The following SLIT3 variants were observed in gnomAD, a reference collection of about 807,000 sequenced individuals.
SLIT3 encodes slit homolog 3 protein.
SLIT3 carries 68 observed loss-of-function variants against 184.0 expected under a neutral mutation model. That is an observed-to-expected ratio of 0.37 (90% CI 0.30 to 0.45). The LOEUF is 0.45. Among genes scored for constraint, SLIT3 ranks in the 20% least tolerant of loss-of-function variants. SLIT3 has a pLI of 1.00. For missense variants in SLIT3, 1,707 were observed against 2,026.0 expected (o/e 0.84, Z 3.02); for synonymous variants, 831 against 828.6 (o/e 1.00, Z -0.05).
intron 4 of SLIT3, among the ~76,000 whole-genome samples, chr5:168,890,137 TAA>T (rs56267999): frequency 3.2e-4 from 32 of 98,648 alleles, no homozygotes; most frequent in East Asian, 1.7e-3. Context: ...AGACTCCATC[TAA>T]AAAAAAAAAA....
chr5:168,742,294 G>A (rs111496241), intron 20 of SLIT3, among the ~76,000 whole-genome samples: 4,397 of 151,170 alleles, frequency 0.029, 205 homozygotes, highest in African/African-American at 0.1. Flanking sequence ...CTTCCCCATC[G>A]CAGGCTAGCA....
At chr5:168,707,413 G>A (rs1289455493) in intron 26 of SLIT3, 1 of 156,456 alleles carries the variant, frequency 6.4e-6, no homozygotes. Flanking sequence ...CTTGGAGGTA[G>A]TCTGGGAGGA....
intron 4 of SLIT3, among the ~76,000 whole-genome samples, chr5:169,017,386 C>T (rs143592764): frequency 7.7e-4 from 118 of 152,276 alleles, no homozygotes; most frequent in African/African-American, 2.6e-3. Context: ...GTCCCTAATA[C>T]GGAAATGTTA....
chr5:169,060,116 G>A (rs1322766947), intron 4 of SLIT3, among the ~76,000 whole-genome samples: 4 of 152,208 alleles, frequency 2.6e-5, no homozygotes, highest in South Asian at 2.1e-4. Context: ...TAGGCCACGC[G>A]CAGCGGCTCA....
At position 168,921,485 on chromosome 5, in the gene SLIT3, C is replaced by G. The variant is rs141937365; in HGVS notation, c.414-38149G>C. The stretch of plus-strand genomic sequence containing the variant: ...ATTAAAATAAAAGGGTGATATACAT[C>G]ATTGCACCAAGTCTTTGCTGATATA... On this transcript the variant is annotated intron_variant, in intron 4 of 35. Transcript: ENST00000519560. Among the ~76,000 whole-genome samples the G allele has an allele frequency of 4.1e-3, 626 of 152,312 alleles. 3 individuals are homozygous for G. Among genetic ancestry groups the G allele is most frequent in the South Asian group, 0.027 (128 of 4,824 alleles).
chr5:169,244,232 C>A (rs115039435), intron 3 of SLIT3, among the ~76,000 whole-genome samples: 2,396 of 152,366 alleles, frequency 0.016, 40 homozygotes, highest in Non-Finnish European at 0.025. Flanking sequence ...CTGAAGGCTG[C>A]GCCCACTCAC....
At chr5:169,199,503 A>G (rs533647391) in intron 3 of SLIT3, among the ~76,000 whole-genome samples, 9 of 152,260 alleles carry the variant, frequency 5.9e-5, no homozygotes, top group Admixed American at 5.9e-4. Flanking sequence ...AAATCTCTCA[A>G]ATATGTTTTG....
At chr5:169,133,852 C>T (rs1403530607) in intron 4 of SLIT3, among the ~76,000 whole-genome samples, 1 of 152,188 alleles carries the variant, frequency 6.6e-6, no homozygotes, top group Non-Finnish European at 1.5e-5. Flanking sequence ...CATAATTAAA[C>T]GTCAGATGTA....
chr5:168,816,728 T>G (rs984368278), intron 8 of SLIT3, among the ~76,000 whole-genome samples: 1 of 152,264 alleles, frequency 6.6e-6, no homozygotes, highest in Non-Finnish European at 1.5e-5. Flanking sequence ...ATTTAGCTTT[T>G]ACCAAGGGCT....
intron 4 of SLIT3, among the ~76,000 whole-genome samples, chr5:168,925,696 T>C (rs1316459728): frequency 6.6e-6 from 1 of 152,046 alleles, no homozygotes; most frequent in Admixed American, 6.6e-5. Flanking sequence ...GGAGGTGTTG[T>C]TTCCTTGACT....
chr5:169,186,200 T>A (rs297886), intron 4 of SLIT3, among the ~76,000 whole-genome samples: 4 of 151,876 alleles, frequency 2.6e-5, no homozygotes, highest in African/African-American at 9.7e-5. Flanking sequence ...TTAAAGTGGC[T>A]ATCAGGTTAA....
intron 3 of SLIT3, among the ~76,000 whole-genome samples, chr5:169,219,489 A>C (rs1328804064): frequency 6.6e-6 from 1 of 152,246 alleles, no homozygotes; most frequent in Non-Finnish European, 1.5e-5. Context: ...TGTCAGGTGC[A>C]GAATGCACCT....
rs1040016058 is a variant in SLIT3, at chr5:169,296,879, G to A, written c.197+3634C>T. On this transcript the variant is annotated intron_variant, in intron 1 of 35. Transcript: ENST00000519560. Reference sequence around the variant, plus strand: ...TGTCCACTCTTGCCCCCACTCCACCGTTCAGGCCACCCCTCACTGCAGTGA... The same window carrying A: ...TGTCCACTCTTGCCCCCACTCCACCATTCAGGCCACCCCTCACTGCAGTGA... Among the ~76,000 whole-genome samples the A allele has an allele frequency of 2.0e-5, 3 of 152,136 alleles. No homozygotes were observed. In the East Asian group the frequency reaches 5.8e-4, roughly 29 times the overall value.
At chr5:169,245,770 G>C (rs1266193980) in intron 2 of SLIT3, among the ~76,000 whole-genome samples, 1 of 152,140 alleles carries the variant, frequency 6.6e-6, no homozygotes, top group Non-Finnish European at 1.5e-5. Context: ...ATATCAAACT[G>C]AATGCTCCAT....
At chr5:169,186,551 G>A (rs1312467953) in intron 4 of SLIT3, among the ~76,000 whole-genome samples, 2 of 152,284 alleles carry the variant, frequency 1.3e-5, no homozygotes, top group Middle Eastern at 6.8e-3. Context: ...AAAAGGTGAG[G>A]TCACTTGCCC....
At chr5:168,910,054 ACAT>A (rs1479848164) in intron 4 of SLIT3, among the ~76,000 whole-genome samples, 3 of 152,238 alleles carry the variant, frequency 2.0e-5, no homozygotes, top group Non-Finnish European at 4.4e-5. Flanking sequence ...TGAAAGCAGC[ACAT>A]CATCAAATGA....
intron 3 of SLIT3, among the ~76,000 whole-genome samples, chr5:169,236,347 AC>A: frequency 6.6e-6 from 1 of 152,218 alleles, no homozygotes; most frequent in Admixed American, 6.5e-5. Context: ...TTTTTCCAAG[AC>A]GCTTTAATTC....
chr5:169,122,466 C>T (rs889934422), intron 4 of SLIT3, among the ~76,000 whole-genome samples: 2 of 152,176 alleles, frequency 1.3e-5, no homozygotes, highest in East Asian at 3.9e-4. Context: ...TTTTCTCTGA[C>T]TTGAGGCAAG....
chr5:169,195,158 T>C (rs995686128), intron 3 of SLIT3, among the ~76,000 whole-genome samples: 4 of 152,092 alleles, frequency 2.6e-5, no homozygotes, highest in Admixed American at 2.6e-4. Flanking sequence ...AAGGTGAGCT[T>C]CTCCCTAGCT....
Sources: gnomAD v4.1 joint callset for allele counts (sites outside exome capture counted in the v4.1 genomes callset) on GRCh38, gnomAD v4.1.1 for gene constraint, MANE v1.5 for transcripts, NCBI Gene and HGNC (gene_info 2026-07-23, HGNC 2026-07-21) for gene names.